PPP2R5C: variants seen among roughly 807,000 people sequenced by gnomAD.
PPP2R5C encodes the protein serine/threonine-protein phosphatase 2A 56 kDa regulatory subunit gamma isoform.
A neutral mutation model predicts 68.9 loss-of-function variants in PPP2R5C; 7 were observed. That is an observed-to-expected ratio of 0.10 (90% CI 0.06 to 0.19). The LOEUF (loss-of-function observed/expected upper bound fraction) is 0.19, where lower values mean the gene tolerates loss of function less well. Ranked by LOEUF, PPP2R5C falls within the 10% of genes least tolerant of loss-of-function variation. The pLI is 1.00. For synonymous variants in PPP2R5C, 210 were observed against 222.2 expected, an observed-to-expected ratio of 0.95 and a Z score of 0.49; for missense variants, 348 against 641.3, an observed-to-expected ratio of 0.54 and a Z score of 4.94.
chr14:101,770,876 G>T (rs2037110191), intron 2 of PPP2R5C, among the ~76,000 whole-genome samples: 2 of 152,254 alleles, frequency 1.3e-5, no homozygotes, highest in Non-Finnish European at 2.9e-5. Flanking sequence ...GAAATGCGGT[G>T]ATGTTTTCCT....
At chr14:101,894,526 A>C (rs1294713991) in exon 8 of PPP2R5C, 1 of 1,614,042 alleles carries the variant, frequency 6.2e-7, no homozygotes. Flanking sequence ...TGTGTAGTGC[A>C]GTTTTTAGAA....
At chr14:101,861,014 A>G (rs1401856008) in intron 2 of PPP2R5C, among the ~76,000 whole-genome samples, 1 of 152,192 alleles carries the variant, frequency 6.6e-6, no homozygotes, top group Admixed American at 6.5e-5. Flanking sequence ...GTATTTAAAT[A>G]TAATCAGCCT....
At chr14:101,893,302 C>A (rs1432367511) in intron 7 of PPP2R5C, among the ~76,000 whole-genome samples, 194 bp downstream of exon 9, 2 of 152,142 alleles carry the variant, frequency 1.3e-5, no homozygotes, top group African/African-American at 4.8e-5. Flanking sequence ...TCAGAAAAAT[C>A]TCTGTAATAC....
At chr14:101,840,297 T>A (rs1287623895) in intron 1 of PPP2R5C, among the ~76,000 whole-genome samples, 1 of 151,984 alleles carries the variant, frequency 6.6e-6, no homozygotes, top group Non-Finnish European at 1.5e-5. Flanking sequence ...TCTCTCATAG[T>A]CTCAAAAGAG....
In PPP2R5C at chr14:101,917,693, C is replaced by G. The variant is rs972864986; in HGVS notation, c.1327-138C>G. 1 of 1,129,534 alleles carries G rather than the reference C, an allele frequency of 8.9e-7. No individual in the cohort carries two copies. Among genetic ancestry groups the G allele is most frequent in the African/African-American group, 1.6e-5 (1 of 64,388 alleles). The allele number at this position is 1,129,534 out of a possible 1,614,324, so 70.0% of individuals were successfully genotyped here. A position where few individuals can be genotyped will look rare whatever the true frequency, so the allele number is the denominator to read the frequency against. Reference sequence around the variant, plus strand: ...AGCCGCATCATGTTGCAGGTGTAGGCGAGTCTCCCACTGAGTGGGCTTCCT... The same window carrying G: ...AGCCGCATCATGTTGCAGGTGTAGGGGAGTCTCCCACTGAGTGGGCTTCCT... On this transcript the variant is annotated intron_variant, in intron 12 of 13. Coordinates refer to ENST00000334743, the Ensembl canonical transcript of PPP2R5C. This position sits in a 1 kb window ranked among gnomAD's most constrained non-coding sequence, Gnocchi z 4.4.
rs193077646 is a variant in PPP2R5C, at chr14:101,815,198, C to T, written c.94+5162C>T. Among the ~76,000 whole-genome samples the T allele has an allele frequency of 1.8e-3, 271 of 152,250 alleles. 1 individual carries two copies. The highest frequency in any genetic ancestry group is 6.2e-3 in the African/African-American group (256 of 41,540). The stretch of plus-strand genomic sequence containing the variant: ...AAAAAAGGGAGCCTCTTGCCCAGGG[C>T]CACAGAGAATGTAGTGAAACAAGAT... On this transcript the variant is annotated intron_variant, in intron 1 of 13. Transcript: ENST00000334743.
rs1469910944 is a variant in PPP2R5C, at chr14:101,835,179, G to C, written c.95-21507G>C. On this transcript the variant is annotated intron_variant, in intron 1 of 13. Coordinates refer to ENST00000334743, the Ensembl canonical transcript of PPP2R5C. This position sits in a 1 kb window ranked among gnomAD's most constrained non-coding sequence, Gnocchi z 5.0. ...ACTGGGCTGCTCCTCATGGCGGTGGGAGCATGGGCTGCTCAGCTGGGGCCA... is the reference window on the plus strand; with the variant it reads ...ACTGGGCTGCTCCTCATGGCGGTGGCAGCATGGGCTGCTCAGCTGGGGCCA... 2.0e-5 allele frequency among the ~76,000 whole-genome samples: 3 copies of C among 152,142 alleles called. No individual in the cohort carries two copies. The highest frequency in any genetic ancestry group is 2.9e-5 in the Non-Finnish European group (2 of 68,018).
exon 3 of PPP2R5C, chr14:101,786,062 A>G (rs1389917226): frequency 9.0e-6 from 14 of 1,548,802 alleles, no homozygotes; most frequent in Non-Finnish European, 1.2e-5. Flanking sequence ...TCCCGTCTAC[A>G]GTATCTGCTA....
chr14:101,892,502 C>T (rs1444640581), intron 6 of PPP2R5C, among the ~76,000 whole-genome samples: 2 of 152,166 alleles, frequency 1.3e-5, no homozygotes, highest in African/African-American at 4.8e-5. Flanking sequence ...TTCTGGGTAA[C>T]ACCTGTAAAC....
intron 8 of PPP2R5C, among the ~76,000 whole-genome samples, chr14:101,896,899 C>T (rs546615797): frequency 2.4e-4 from 36 of 152,284 alleles, no homozygotes; most frequent in African/African-American, 5.8e-4. Context: ...ATGAGAAATT[C>T]TTAACATTGA....
At chr14:101,816,304 A>C (rs1480575592) in intron 1 of PPP2R5C, among the ~76,000 whole-genome samples, 1 of 152,204 alleles carries the variant, frequency 6.6e-6, no homozygotes, top group Admixed American at 6.5e-5. Flanking sequence ...TAAACGTGGG[A>C]TAAATCATTT....
At chr14:101,843,910 A>G in intron 1 of PPP2R5C, 1 of 166,002 alleles carries the variant, frequency 6.0e-6, no homozygotes, top group South Asian at 1.5e-4. Flanking sequence ...ACCACACTTC[A>G]CCCACAACGC....
intron 1 of PPP2R5C, among the ~76,000 whole-genome samples, chr14:101,821,441 G>T (rs927966023): frequency 7.4e-6 from 1 of 134,274 alleles, no homozygotes. Flanking sequence ...CCTGTGGGGG[G>T]TGGGTGGGTG....
upstream of PPP2R5C, among the ~76,000 whole-genome samples, chr14:101,809,405 CA>C (rs375238074): frequency 5.1e-5 from 7 of 136,912 alleles, no homozygotes; most frequent in African/African-American, 1.4e-4. Flanking sequence ...AAAAAAAAAA[CA>C]AAAAAAAAAC....
At chr14:101,920,869 G>A (rs912886466) in intron 13 of PPP2R5C, among the ~76,000 whole-genome samples, 1 of 151,132 alleles carries the variant, frequency 6.6e-6, no homozygotes. Flanking sequence ...GGGCTCAGGC[G>A]ATCCTTCTAC....
rs1266819059 is a variant in PPP2R5C, at chr14:101,882,213, C to T, written c.347C>T (p.Ala116Val). 1.2e-6 allele frequency: 2 copies of T among 1,613,604 alleles called. No homozygotes were observed. Among genetic ancestry groups the T allele is most frequent in the Non-Finnish European group, 1.7e-6 (2 of 1,179,818 alleles). Residue 116 changes from alanine (A) to valine (V), a missense_variant, in exon 3 of 14, where the codon GCG (alanine) becomes GTG (valine). By Grantham distance (64) the Ala-to-Val change is moderately conservative. Coordinates refer to ENST00000334743, the Ensembl canonical transcript of PPP2R5C. The surrounding 1 kb of genome is among the most constrained non-coding windows in gnomAD (Gnocchi z 4.9). ...CCACCTTCCTCCAATCCTACGGGAG[C>T]GGAATTTGACCCGGAGGAAGATGAA...
At chr14:101,914,158 G>C in intron 12 of PPP2R5C, 1 of 455,932 alleles carries the variant, frequency 2.2e-6, no homozygotes, top group South Asian at 1.5e-5. Context: ...CTTTGCAAAC[G>C]TCTGTGGTGG....
chr14:101,872,003 T>G (rs1339012431), intron 2 of PPP2R5C, among the ~76,000 whole-genome samples: 1 of 152,132 alleles, frequency 6.6e-6, no homozygotes, highest in East Asian at 1.9e-4. Flanking sequence ...CTTTTTTTAT[T>G]ATACTTTAAG....
chr14:101,806,264 C>T (rs1467991144), upstream of PPP2R5C, among the ~76,000 whole-genome samples: 1 of 151,548 alleles, frequency 6.6e-6, no homozygotes, highest in Non-Finnish European at 1.5e-5. Flanking sequence ...CCCCCTGTCC[C>T]CCACCCCCCG....
Sources: allele counts gnomAD v4.1 joint callset (sites outside exome capture counted in the v4.1 genomes callset), GRCh38; gene constraint gnomAD v4.1.1; non-coding constraint Gnocchi (gnomAD v3.1); transcripts MANE v1.5; gene names NCBI Gene and HGNC (gene_info 2026-07-23, HGNC 2026-07-21).